Variants in DNAH10 observed in about 807,000 individuals in gnomAD.
The protein encoded by DNAH10 is dynein axonemal heavy chain 10, also known as axonemal beta dynein heavy chain 10.
Under a neutral mutation model 506.6 loss-of-function variants are expected in DNAH10, and 348 were observed. The observed-to-expected ratio is 0.69, with a 90% CI of 0.63 to 0.75. The LOEUF (loss-of-function observed/expected upper bound fraction) is 0.75. Ranked by LOEUF, DNAH10 falls within the 30% of genes least tolerant of loss-of-function variation. The probability of loss-of-function intolerance (pLI) is 0.00; values close to 1 mark genes in which losing one functional copy is unlikely to be tolerated. For missense variants in DNAH10, 5,179 were observed against 5,787.1 expected (o/e 0.89, Z 3.41); for synonymous variants, 2,059 against 2,198.6 (o/e 0.94, Z 1.78).
chr12:123,809,651 A>AAACAGCAACAACAACAACAACAAC (rs1555221834), intron 19 of DNAH10, among the ~76,000 whole-genome samples: 2 of 150,876 alleles, frequency 1.3e-5, no homozygotes, highest in African/African-American at 4.9e-5. Flanking sequence ...CGTGTCTCTA[A>AAACAGCAACAACAACAACAACAAC]AACAACAACA....
intron 54 of DNAH10, among the ~76,000 whole-genome samples, chr12:123,895,295 A>G (rs1953169383): frequency 6.6e-6 from 1 of 152,244 alleles, no homozygotes; most frequent in African/African-American, 2.4e-5. Context: ...TCTTCAGGGA[A>G]CATCTTTTTC....
In DNAH10 at chr12:123,796,713, A is replaced by G. The variant is rs1416420482; in HGVS notation, c.2044A>G (p.Asn682Asp). ...CCTTGAAAATCCACCACTGTATAAGAATCACCCTCCAGTAGCAGGTGCAAT... is the reference window on the plus strand; with the variant it reads ...CCTTGAAAATCCACCACTGTATAAGGATCACCCTCCAGTAGCAGGTGCAAT... The part of the protein sequence containing the change: ...QNLENPPLYK[N>D]HPPVAGAIYW... Residue 682 changes from asparagine to aspartate, a missense_variant, in exon 13 of 79, where the codon AAT becomes GAT. This residue lies in a region of DNAH10 where 4,844 missense variants were observed against 5,430.5 expected (regional missense o/e 0.89). Coordinates refer to ENST00000673944, the MANE Select transcript of DNAH10 (RefSeq NM_001372106.1). The G allele has an allele frequency of 1.9e-6, 3 of 1,613,948 alleles. No homozygotes were observed. The Admixed American group carries it at 5.0e-5, about 27-fold the overall frequency.
Position 123,919,486 on chromosome 12 carries a change from C to G in DNAH10, c.11506+537C>G, listed in dbSNP as rs535923599. Among the ~76,000 whole-genome samples, 1 of 152,154 alleles carries G rather than the reference C, an allele frequency of 6.6e-6. No homozygotes were observed. The highest frequency in any genetic ancestry group is 2.1e-4 in the South Asian group (1 of 4,820). ...CACAATTTACATACCATAAATTCGT[C>G]CTTTAAAAATATACCATTCGGTGGT... On this transcript the variant is annotated intron_variant, in intron 65 of 78. Coordinates refer to ENST00000673944, the MANE Select transcript of DNAH10 (RefSeq NM_001372106.1). The surrounding 1 kb of genome is among the most constrained non-coding windows in gnomAD (Gnocchi z 4.9).
chr12:123,921,777 G>C (rs527315301), intron 65 of DNAH10, among the ~76,000 whole-genome samples: 1 of 124,038 alleles, frequency 8.1e-6, no homozygotes, highest in Non-Finnish European at 1.6e-5. Flanking sequence ...GCAGTGGTGC[G>C]ATCTTAGCTC....
Position 123,881,767 on chromosome 12 carries a change from G to C in DNAH10, c.8777G>C (p.Gly2926Ala). Residue 2926 changes from glycine (G) to alanine (A), a missense_variant, in exon 51 of 79, where the codon GGG becomes GCG. Gly to Ala is a moderately conservative substitution (Grantham distance 60). Transcript: ENST00000673944. ...CTGCTGGTCGGGGTAGGGGGCTCAG[G>C]GAAGCAGTCTCTTTCGAGGCTGGCT... ...HALLVGVGGS[G>A]KQSLSRLAAF... The C allele has an allele frequency of 6.5e-7, 1 of 1,532,342 alleles. No individual in the cohort carries two copies. Among genetic ancestry groups the C allele is most frequent in the Non-Finnish European group, 8.8e-7 (1 of 1,137,836 alleles). The allele number at this position is 1,532,342 out of a possible 1,614,324, so 94.9% of individuals were successfully genotyped here.
chr12:123,873,615 T>C lies in DNAH10; in HGVS notation c.7843T>C (p.Leu2615=). The change falls in exon 46 of 79, where the codon TTA becomes CTA. Residue 2615 remains leucine, a synonymous_variant. Coordinates refer to ENST00000673944, the MANE Select transcript of DNAH10 (RefSeq NM_001372106.1). ...CACGTCCATGGATATCCAAAGAAATTTAGAAGCAAATGTGGAAAAGCGAAC... is the reference window on the plus strand; with the variant it reads ...CACGTCCATGGATATCCAAAGAAATCTAGAAGCAAATGTGGAAAAGCGAAC... ...RTTSMDIQRN[L]EANVEKRTKD... 6.2e-7 allele frequency: 1 copy of C among 1,613,802 alleles called. No homozygotes were observed. Among genetic ancestry groups the C allele is most frequent in the Non-Finnish European group, 8.5e-7 (1 of 1,179,862 alleles).
chr12:123,784,322 A>G (rs1957772331), intron 8 of DNAH10, 145 bp downstream of exon 8: 5 of 784,404 alleles, frequency 6.4e-6, no homozygotes, highest in Non-Finnish European at 8.2e-6. Flanking sequence ...TGAGGTGGGC[A>G]GATCGCTTGA....
intron 52 of DNAH10, among the ~76,000 whole-genome samples, chr12:123,890,235 A>C (rs1594298764): frequency 6.6e-6 from 1 of 152,184 alleles, no homozygotes; most frequent in South Asian, 2.1e-4. Context: ...GCAATGACGT[A>C]GTCCAGATTT....
intron 59 of DNAH10, 94 bp downstream of exon 59, chr12:123,910,766 C>G (rs555554656): frequency 7.4e-6 from 11 of 1,478,858 alleles, no homozygotes; most frequent in Non-Finnish European, 9.9e-6. Flanking sequence ...AAACTTCTCC[C>G]GAGGTTCTGA....
Position 123,765,716 on chromosome 12 carries a change from C to T in DNAH10, c.215-1890C>T, listed in dbSNP as rs11831481. On this transcript the variant is annotated intron_variant, in intron 1 of 78. Coordinates refer to ENST00000673944, the MANE Select transcript of DNAH10 (RefSeq NM_001372106.1). ...CCAATCTGTGTGTCTATCTACCTAT[C>T]ATTCACCTATCATCTATCCATCTAT... Among the ~76,000 whole-genome samples, 473 of 152,038 alleles carry T rather than the reference C, an allele frequency of 3.1e-3. 6 individuals carry two copies. Among genetic ancestry groups the T allele is most frequent in the African/African-American group, 0.011 (452 of 41,460 alleles).
chr12:123,915,514 C>G lies in DNAH10; in HGVS notation c.10722+515C>G, dbSNP rs1005917567. On this transcript the variant is annotated intron_variant, in intron 62 of 78. Transcript: ENST00000673944. ...AAATGCTACATCCTTTAGCCATCAC[C>G]CCTCCAGTCCTTCCGTTTCTCCCTC... 3.4e-5 allele frequency among the ~76,000 whole-genome samples: 5 copies of G among 147,016 alleles called. No individual in the cohort carries two copies. In the East Asian group the frequency reaches 9.7e-4, roughly 28 times the overall value.
Position 123,774,195 on chromosome 12 carries a change from GC to G in DNAH10, c.554del (p.Pro185GlnfsTer9). 2.5e-6 allele frequency: 4 copies of G among 1,611,994 alleles called. No homozygotes were observed. Among genetic ancestry groups the G allele is most frequent in the Non-Finnish European group, 3.4e-6 (4 of 1,179,408 alleles). On this transcript the variant is annotated frameshift_variant, in exon 5 of 79. Coordinates refer to ENST00000673944, the MANE Select transcript of DNAH10 (RefSeq NM_001372106.1). LOFTEE classifies it high-confidence loss of function. ...TDMKEAMEIM[P>X]ETLEYGIINA... Reference sequence around the variant, plus strand: ...ACATGAAGGAAGCTATGGAAATTATGCCAGAAACACTGGAGTATGGAATTAT... The same window carrying G: ...ACATGAAGGAAGCTATGGAAATTATGCAGAAACACTGGAGTATGGAATTAT...
intron 26 of DNAH10, among the ~76,000 whole-genome samples, chr12:123,832,299 G>A (rs1273825618): frequency 1.3e-5 from 2 of 151,778 alleles, no homozygotes; most frequent in African/African-American, 4.8e-5. Flanking sequence ...CACACGATGT[G>A]CACACAGTGT....
chr12:123,915,602 C>T (rs1176611523), intron 62 of DNAH10, among the ~76,000 whole-genome samples: 1 of 152,180 alleles, frequency 6.6e-6, no homozygotes, highest in Non-Finnish European at 1.5e-5. Context: ...CTGGACATTT[C>T]TTAGGAATGG....
Position 123,790,046 on chromosome 12 carries a change from G to C in DNAH10, c.1740G>C (p.Leu580=). The change falls in exon 11 of 79, where the codon CTG becomes CTC. Residue 580 remains leucine, a synonymous_variant. Transcript: ENST00000673944. ...VDGLVTPMEN[L]TFDPFSIKSS... is the part of the protein sequence containing the mutation. ...GCCTAGTCACCCCCATGGAAAACCTGACCTTTGACCCCTTCAGCATCAAGT... is the reference window on the plus strand; with the variant it reads ...GCCTAGTCACCCCCATGGAAAACCTCACCTTTGACCCCTTCAGCATCAAGT... 1 of 1,614,102 alleles carries C rather than the reference G, an allele frequency of 6.2e-7. No individual in the cohort carries two copies. The highest frequency in any genetic ancestry group is 8.5e-7 in the Non-Finnish European group (1 of 1,180,014).
chr12:123,789,404 GAC>G (rs1256252217), intron 10 of DNAH10, among the ~76,000 whole-genome samples: 3 of 151,530 alleles, frequency 2.0e-5, no homozygotes, highest in Admixed American at 6.6e-5. Context: ...GTGCATGTGA[GAC>G]AGAGTCTCGC....
chr12:123,768,485 C>T (rs574540375), intron 2 of DNAH10, among the ~76,000 whole-genome samples: 1 of 152,294 alleles, frequency 6.6e-6, no homozygotes, highest in South Asian at 2.1e-4. Context: ...TTTGGGCCCA[C>T]TCTAATCCAT....
intron 24 of DNAH10, among the ~76,000 whole-genome samples, chr12:123,822,541 G>C (rs551544525): frequency 6.6e-6 from 1 of 152,144 alleles, no homozygotes; most frequent in Non-Finnish European, 1.5e-5. Flanking sequence ...ATCTACATCT[G>C]TATTACATTA....
rs770615075 is a variant in DNAH10, at chr12:123,801,438, G to A, written c.2614+6G>A. The A allele has an allele frequency of 7.4e-6, 12 of 1,611,068 alleles. No homozygotes were observed. The Admixed American group carries it at 1.5e-4, about 20-fold the overall frequency. On this transcript the variant is annotated splice_donor_region_variant and intron_variant, in intron 16 of 78. Coordinates refer to ENST00000673944, the MANE Select transcript of DNAH10 (RefSeq NM_001372106.1). ...GTTGAACTGGAACTCACTAGGTAAC[G>A]TCATTCATCTATTGATTGCCTTTTA...
Sources: allele counts gnomAD v4.1 joint callset (sites outside exome capture counted in the v4.1 genomes callset), GRCh38; gene constraint gnomAD v4.1.1; regional missense constraint gnomAD v4.1.1; non-coding constraint Gnocchi (gnomAD v3.1); transcripts MANE v1.5; gene names NCBI Gene and HGNC (gene_info 2026-07-23, HGNC 2026-07-21).